Variants in NCOA2 observed in about 807,000 individuals in gnomAD.
The protein encoded by NCOA2 is nuclear receptor coactivator 2, also known as class E basic helix-loop-helix protein 75.
A neutral mutation model predicts 145.1 loss-of-function variants in NCOA2; 21 were observed. The observed-to-expected ratio is 0.14, with a 90% CI of 0.10 to 0.21. The LOEUF (loss-of-function observed/expected upper bound fraction) is 0.21. Among genes scored for constraint, NCOA2 ranks in the 10% least tolerant of loss-of-function variants. The pLI is 1.00. For synonymous variants in NCOA2, 619 were observed against 637.5 expected, an observed-to-expected ratio of 0.97 and a Z score of 0.44; for missense variants, 1,472 against 1,837.6, an observed-to-expected ratio of 0.80 and a Z score of 3.64.
intron 22 of NCOA2, among the ~76,000 whole-genome samples, chr8:70,116,244 A>C (rs1807116161): frequency 3.3e-5 from 5 of 151,042 alleles, no homozygotes. Context: ...AATAGAACCA[A>C]GTTACCAATA....
At chr8:70,233,652 G>A (rs1181998109) in intron 2 of NCOA2, among the ~76,000 whole-genome samples, 4 of 152,194 alleles carry the variant, frequency 2.6e-5, no homozygotes, top group Non-Finnish European at 2.9e-5. Flanking sequence ...GTTTACCACA[G>A]TTAAAAATCA....
the NCOA2 span, among the ~76,000 whole-genome samples, chr8:70,422,055 A>G: frequency 6.6e-6 from 1 of 151,972 alleles, no homozygotes; most frequent in African/African-American, 2.4e-5. Flanking sequence ...AGATTGCGCC[A>G]TTACACTCCA....
At chr8:70,401,286 C>T (rs913761603) in intron 1 of NCOA2, among the ~76,000 whole-genome samples, 1 of 152,168 alleles carries the variant, frequency 6.6e-6, no homozygotes, top group African/African-American at 2.4e-5. Context: ...AAAGATGTCT[C>T]CAAACCTTGT....
chr8:70,184,257 C>T (rs957361296), intron 4 of NCOA2, among the ~76,000 whole-genome samples: 1 of 152,186 alleles, frequency 6.6e-6, no homozygotes, highest in African/African-American at 2.4e-5. Flanking sequence ...GCCTACTTTA[C>T]TAGTCCAGAT....
At chr8:70,378,763 A>C (rs973292679) in intron 1 of NCOA2, among the ~76,000 whole-genome samples, 2 of 150,394 alleles carry the variant, frequency 1.3e-5, no homozygotes, top group Admixed American at 1.3e-4. Flanking sequence ...AAAAAAAAAA[A>C]CATAAAATGA....
At chr8:70,379,487 A>G (rs1811989546) in intron 1 of NCOA2, among the ~76,000 whole-genome samples, 1 of 152,212 alleles carries the variant, frequency 6.6e-6, no homozygotes, top group South Asian at 2.1e-4. Context: ...AGACAAATGC[A>G]CTGCTGTGTG....
At chr8:70,303,571 A>G (rs541259250) in intron 1 of NCOA2, among the ~76,000 whole-genome samples, 5 of 152,308 alleles carry the variant, frequency 3.3e-5, no homozygotes, top group African/African-American at 1.2e-4. Flanking sequence ...AAGAATTTGG[A>G]TACGGCATGT....
At chr8:70,452,325 T>G in the NCOA2 span, among the ~76,000 whole-genome samples, 7 of 152,284 alleles carry the variant, frequency 4.6e-5, no homozygotes, top group Admixed American at 2.0e-4. Context: ...AAGTGGCCAA[T>G]GAGCATGTTA....
chr8:70,123,547 C>G (rs1350356374), intron 21 of NCOA2, among the ~76,000 whole-genome samples: 2 of 150,370 alleles, frequency 1.3e-5, no homozygotes, highest in African/African-American at 4.9e-5. Flanking sequence ...AAACGATAAC[C>G]CCCAAATAGA....
chr8:70,370,968 G>A (rs1265923778), intron 1 of NCOA2, among the ~76,000 whole-genome samples: 5 of 152,124 alleles, frequency 3.3e-5, no homozygotes, highest in Admixed American at 2.6e-4. Context: ...AATGATACGT[G>A]TGTTTAAATT....
At chr8:70,146,217 A>G (rs936581659) in intron 12 of NCOA2, among the ~76,000 whole-genome samples, 2 of 152,224 alleles carry the variant, frequency 1.3e-5, no homozygotes, top group African/African-American at 4.8e-5. Flanking sequence ...TTAAAGCTGT[A>G]GGACCCTGCT....
At chr8:70,314,027 A>G (rs564467591) in intron 1 of NCOA2, among the ~76,000 whole-genome samples, 1 of 151,482 alleles carries the variant, frequency 6.6e-6, no homozygotes, top group African/African-American at 2.4e-5. Context: ...ATATATACAA[A>G]AAATTAGCTT....
the NCOA2 span, among the ~76,000 whole-genome samples, chr8:70,450,005 CT>C: frequency 2.6e-5 from 4 of 151,902 alleles, no homozygotes; most frequent in Non-Finnish European, 4.4e-5. Context: ...TAATATATAC[CT>C]TTTTTTTATT....
intron 2 of NCOA2, among the ~76,000 whole-genome samples, chr8:70,276,485 T>C (rs1446937048): frequency 6.6e-6 from 1 of 152,276 alleles, no homozygotes; most frequent in South Asian, 2.1e-4. Context: ...GTTCCCATAA[T>C]CCCCAGGTGT....
At chr8:70,256,050 C>T (rs143186690) in intron 2 of NCOA2, among the ~76,000 whole-genome samples, 23 of 152,290 alleles carry the variant, frequency 1.5e-4, no homozygotes, top group Non-Finnish European at 3.1e-4. Context: ...CATACAGAAA[C>T]CTTTTACCCT....
intron 2 of NCOA2, among the ~76,000 whole-genome samples, chr8:70,236,129 A>G (rs1407591546): frequency 6.6e-6 from 1 of 152,124 alleles, no homozygotes; most frequent in Non-Finnish European, 1.5e-5. Context: ...TATTCTTGTC[A>G]AATCATCAAT....
chr8:70,331,833 A>C (rs1807134344), intron 1 of NCOA2, among the ~76,000 whole-genome samples: 1 of 152,212 alleles, frequency 6.6e-6, no homozygotes, highest in Non-Finnish European at 1.5e-5. Flanking sequence ...GTCCCAGCAA[A>C]GGCAGTATGA....
chr8:70,330,228 G>C (rs1208732244), intron 1 of NCOA2, among the ~76,000 whole-genome samples: 1 of 151,800 alleles, frequency 6.6e-6, no homozygotes, highest in Non-Finnish European at 1.5e-5. Flanking sequence ...TGATGATGAT[G>C]ATGATGATGA....
At chr8:70,341,010 C>T (rs1808082279) in intron 1 of NCOA2, among the ~76,000 whole-genome samples, 1 of 149,540 alleles carries the variant, frequency 6.7e-6, no homozygotes, top group Non-Finnish European at 1.5e-5. Context: ...GTGTGGCAAA[C>T]TACCACGGCA....
Sources: gnomAD v4.1 joint callset for allele counts (sites outside exome capture counted in the v4.1 genomes callset) on GRCh38, gnomAD v4.1.1 for gene constraint, MANE v1.5 for transcripts, NCBI Gene and HGNC (gene_info 2026-07-23, HGNC 2026-07-21) for gene names.